Variants in MROH1 observed in about 807,000 individuals in gnomAD.
The protein encoded by MROH1 is maestro heat-like repeat-containing protein family member 1.
A neutral mutation model predicts 116.5 loss-of-function variants in MROH1; 117 were observed. The observed-to-expected ratio is 1.00, with a 90% CI of 0.86 to 1.17. MROH1 has a LOEUF of 1.17. Ranked by LOEUF, MROH1 falls within the 50% of genes most tolerant of loss-of-function variation. The pLI is 0.00. For synonymous variants in MROH1, 921 were observed against 583.9 expected (o/e 1.58, Z -8.32); for missense variants, 1,873 against 1,338.5 (o/e 1.40, Z -6.23).
intron 14 of MROH1, among the ~76,000 whole-genome samples, chr8:144,228,124 G>GCT (rs1343027656): frequency 6.8e-6 from 1 of 146,442 alleles, no homozygotes; most frequent in African/African-American, 2.5e-5. Flanking sequence ...GGTCCCAGCT[G>GCT]CTCAAGAGGC....
intron 17 of MROH1, 68 bp from the exon 18 acceptor site, chr8:144,239,546 C>T: frequency 1.3e-6 from 1 of 761,552 alleles, no homozygotes. Flanking sequence ...TGTGGTCCTG[C>T]AGGTGCAGGT....
Position 144,255,696 on chromosome 8 carries a change from A to T in MROH1, c.3782A>T (p.Glu1261Val), listed in dbSNP as rs2133272996. Residue 1261 changes from glutamate to valine, a missense_variant, in exon 35 of 44, where the codon GAA becomes GTA. Glu to Val is a moderately radical substitution (Grantham distance 121). Coordinates refer to ENST00000326134, the MANE Select transcript of MROH1 (RefSeq NM_032450.3). ...CCAGCCCTAGCCACCAGGAACCTGG[A>T]ACCCTGCAGGTATCTGGGTCCCCAC... ...ASPALATRNLEPCSSAVDTLR... is the reference protein window; with the variant it reads ...ASPALATRNLVPCSSAVDTLR... 3 of 758,250 alleles carry T rather than the reference A, an allele frequency of 4.0e-6. No homozygotes were observed. The South Asian group carries it at 4.2e-5, about 11-fold the overall frequency. The allele number at this position is 758,250 out of a possible 1,614,324, so 47.0% of individuals were successfully genotyped here.
intron 14 of MROH1, among the ~76,000 whole-genome samples, chr8:144,227,175 G>A (rs1837971265): frequency 6.6e-6 from 1 of 152,186 alleles, no homozygotes; most frequent in African/African-American, 2.4e-5. Flanking sequence ...AGAGCATCAT[G>A]TCTTCTTCAT....
At position 144,238,782 on chromosome 8, in the gene MROH1, G is replaced by A. The variant is rs1305773462; in HGVS notation, c.1365G>A (p.Lys455=). ...CTGAGAAGCCAGGCCCCGGCAGCAAGGACCCCAAGGCCGACAGCGTGCGGG... is the reference window on the plus strand; with the variant it reads ...CTGAGAAGCCAGGCCCCGGCAGCAAAGACCCCAAGGCCGACAGCGTGCGGG... ...QEPEKPGPGS[K]DPKADSVRAI... Residue 455 remains lysine, a synonymous_variant, in exon 15 of 44, where the codon AAG becomes AAA. Coordinates refer to ENST00000326134, the MANE Select transcript of MROH1 (RefSeq NM_032450.3). 2.2e-5 allele frequency: 17 copies of A among 774,042 alleles called. No individual in the cohort carries two copies. The highest frequency in any genetic ancestry group is 1.9e-4 in the South Asian group (14 of 74,552). The allele number at this position is 774,042 out of a possible 1,614,324, so 47.9% of individuals were successfully genotyped here. A position where few individuals can be genotyped will look rare whatever the true frequency, so the allele number is the denominator to read the frequency against.
At chr8:144,248,215 G>A (rs1284715712) in intron 31 of MROH1, among the ~76,000 whole-genome samples, 5 of 152,130 alleles carry the variant, frequency 3.3e-5, no homozygotes, top group Non-Finnish European at 2.9e-5. Context: ...TGGGCACCGC[G>A]TCCCCTCCCC....
chr8:144,195,931 A>C (rs7386541), intron 10 of MROH1, among the ~76,000 whole-genome samples: 150,479 of 152,242 alleles, frequency 0.99, 74,386 homozygotes, highest in East Asian at 1. Context: ...TAATTTTTAC[A>C]TTATCATTTA....
chr8:144,197,417 C>CTTTTTTTTTTTTT lies in MROH1; in HGVS notation c.949-1681_949-1669dup, dbSNP rs79749774. 3.1e-4 allele frequency among the ~76,000 whole-genome samples: 13 copies of CTTTTTTTTTTTTT among 42,500 alleles called. 4 individuals carry two copies. Among genetic ancestry groups the CTTTTTTTTTTTTT allele is most frequent in the Admixed American group, 7.9e-4 (2 of 2,542 alleles). The allele number at this position is 42,500 out of a possible 152,430, so 27.9% of individuals were successfully genotyped here. A position where few individuals can be genotyped will look rare whatever the true frequency, so the allele number is the denominator to read the frequency against. On this transcript the variant is annotated intron_variant, in intron 10 of 43. Transcript: ENST00000326134. ...AAGAGTGGGCAGGAAGCTGCAGCAT[C>CTTTTTTTTTTTTT]TTTTTTTTTTTTTTTTTTTTTTTTT...
intron 13 of MROH1, 81 bp from the exon 14 acceptor site, chr8:144,223,027 A>G (rs1274552661): frequency 1.3e-6 from 2 of 1,578,052 alleles, no homozygotes; most frequent in South Asian, 1.2e-5. Flanking sequence ...TGGGAGGAAG[A>G]CTGAGGTTCC....
chr8:144,212,552 C>T (rs1270422732), intron 12 of MROH1, among the ~76,000 whole-genome samples: 1 of 146,000 alleles, frequency 6.8e-6, no homozygotes, highest in Non-Finnish European at 1.5e-5. Flanking sequence ...ACATATGGAC[C>T]TCAGAGATTT....
chr8:144,207,140 G>A (rs1357315080), intron 12 of MROH1, among the ~76,000 whole-genome samples: 2 of 150,772 alleles, frequency 1.3e-5, no homozygotes, highest in Non-Finnish European at 3.0e-5. Context: ...ATATATTTGC[G>A]TATATATGTT....
In MROH1 at chr8:144,161,885, C is replaced by T. The variant is rs993511403; in HGVS notation, c.-57+796C>T. Among the ~76,000 whole-genome samples the T allele has an allele frequency of 2.0e-4, 31 of 152,154 alleles. 1 individual carries two copies. The highest frequency in any genetic ancestry group is 2.0e-3 in the Admixed American group (31 of 15,266). ...AGAGCCCGGCCACTCAGCCCAGCTT[C>T]TCCGCCTCCCAGCTCAGCTCAGGCC... On this transcript the variant is annotated intron_variant, in intron 2 of 43. Transcript: ENST00000326134.
In MROH1 at chr8:144,240,170, G is replaced by C; in HGVS notation, c.1827+17G>C. On this transcript the variant is annotated intron_variant, in intron 19 of 43. Coordinates refer to ENST00000326134, the MANE Select transcript of MROH1 (RefSeq NM_032450.3). ...CTGTTGATGGTGAGGGCCGGGGTAC[G>C]GCCCATCCTGGGCCTTAAGGTGTTG... 1 of 769,186 alleles carries C rather than the reference G, an allele frequency of 1.3e-6. No homozygotes were observed. The highest frequency in any genetic ancestry group is 1.7e-5 in the African/African-American group (1 of 59,118). The allele number at this position is 769,186 out of a possible 1,614,324, so 47.6% of individuals were successfully genotyped here.
chr8:144,217,640 G>A (rs1835560449), intron 12 of MROH1, among the ~76,000 whole-genome samples: 2 of 152,140 alleles, frequency 1.3e-5, no homozygotes, highest in Non-Finnish European at 2.9e-5. Context: ...GTCTCACTCT[G>A]TCACCCAGGC....
At chr8:144,249,406 C>T (rs1228531604) in intron 32 of MROH1, among the ~76,000 whole-genome samples, 3 of 152,170 alleles carry the variant, frequency 2.0e-5, no homozygotes, top group African/African-American at 7.2e-5. Context: ...CAAGCCTGAC[C>T]TCATGGCCCA....
At chr8:144,192,786 G>T (rs745661451) in intron 10 of MROH1, 21 of 371,478 alleles carry the variant, frequency 5.7e-5, no homozygotes, top group Non-Finnish European at 1.0e-4. Context: ...CAGGACGGGG[G>T]TCTTGAAGGC....
At chr8:144,250,913 C>T in intron 33 of MROH1, 1 of 207,834 alleles carries the variant, frequency 4.8e-6, no homozygotes, top group Non-Finnish European at 9.9e-6. Context: ...TACCACCCAC[C>T]AGCCCACTGG....
chr8:144,260,740 G>A lies in MROH1; in HGVS notation c.4444G>A (p.Gly1482Arg), dbSNP rs1344120557. 6 of 779,362 alleles carry A rather than the reference G, an allele frequency of 7.7e-6. No homozygotes were observed. The highest frequency in any genetic ancestry group is 5.1e-5 in the Admixed American group (3 of 59,024). The allele number at this position is 779,362 out of a possible 1,614,324, so 48.3% of individuals were successfully genotyped here. The change falls in exon 40 of 44, where the codon GGA becomes AGA. Residue 1482 changes from glycine to arginine, a missense_variant. Transcript: ENST00000326134. ...LFGHLNKVCH[G>R]DCEDVFLDQV... ...TGGGCACCTTAACAAGGTCTGCCAC[G>A]GAGACTGTGAGGACGTCTTCCTGGA...
At chr8:144,237,043 C>T (rs1840160044) in intron 14 of MROH1, among the ~76,000 whole-genome samples, 1 of 151,078 alleles carries the variant, frequency 6.6e-6, no homozygotes, top group South Asian at 2.1e-4. Context: ...GTAGCTGGGA[C>T]TACAGGCGCC....
intron 39 of MROH1, 22 bp downstream of exon 39, chr8:144,260,396 G>A (rs1460000161): frequency 8.5e-6 from 6 of 706,474 alleles, no homozygotes; most frequent in African/African-American, 1.7e-5. Context: ...GGGGCAGGGG[G>A]AGGGAAGAGG....
Sources: gnomAD v4.1 joint callset for allele counts (sites outside exome capture counted in the v4.1 genomes callset) on GRCh38, gnomAD v4.1.1 for gene constraint, MANE v1.5 for transcripts, NCBI Gene and HGNC (gene_info 2026-07-23, HGNC 2026-07-21) for gene names.